SEMA3A: variants seen among roughly 807,000 people sequenced by gnomAD.
SEMA3A encodes the protein semaphorin 3A, also known as semaphorin-3A.
Under a neutral mutation model 97.9 loss-of-function variants are expected in SEMA3A, and 29 were observed. The ratio of observed to expected loss-of-function variants is 0.30; its 90% CI spans 0.22 to 0.40. SEMA3A has a LOEUF of 0.40. Among genes scored for constraint, SEMA3A ranks in the 10% least tolerant of loss-of-function variants. SEMA3A has a pLI of 1.00. For missense variants in SEMA3A, 763 were observed against 951.3 expected, an observed-to-expected ratio of 0.80 and a Z score of 2.60; for synonymous variants, 321 against 323.7, an observed-to-expected ratio of 0.99 and a Z score of 0.09.
chr7:84,309,215 AG>A (rs1441052098), intron 2 of SEMA3A, among the ~76,000 whole-genome samples: 1 of 152,160 alleles, frequency 6.6e-6, no homozygotes, highest in Non-Finnish European at 1.5e-5. Context: ...GAAAGATAAA[AG>A]GGCTTTGTTG....
chr7:84,069,859 A>G (rs1199068653), intron 4 of SEMA3A, among the ~76,000 whole-genome samples: 2 of 152,132 alleles, frequency 1.3e-5, no homozygotes, highest in Non-Finnish European at 2.9e-5. Context: ...GCAAGACCTT[A>G]ATTTAGATGT....
At chr7:84,437,072 G>C (rs1562947894) in intron 1 of SEMA3A, among the ~76,000 whole-genome samples, 1 of 152,086 alleles carries the variant, frequency 6.6e-6, no homozygotes, top group Non-Finnish European at 1.5e-5. Context: ...TCAACTGTAT[G>C]TATTTTTGAT....
At chr7:84,433,153 T>C (rs576831949) in intron 1 of SEMA3A, among the ~76,000 whole-genome samples, 3 of 152,066 alleles carry the variant, frequency 2.0e-5, no homozygotes, top group African/African-American at 7.2e-5. Flanking sequence ...GGTATACATG[T>C]GCCATGGTGG....
At chr7:83,965,079 T>C (rs938793489) in intron 15 of SEMA3A, among the ~76,000 whole-genome samples, 1 of 148,496 alleles carries the variant, frequency 6.7e-6, no homozygotes, top group Admixed American at 6.7e-5. Flanking sequence ...CTAACTGTTC[T>C]GTGATTTAAA....
At position 83,988,204 on chromosome 7, in the gene SEMA3A, CT is replaced by C. The variant is rs199843737; in HGVS notation, c.1453-2728del. The stretch of plus-strand genomic sequence containing the variant: ...TGCTATTTTTCTTCCCTAATAAGCT[CT>C]TGTGTTTTTGTTGTTGTTGTTGTTG... On this transcript the variant is annotated intron_variant, in intron 12 of 16. Coordinates refer to ENST00000265362, the MANE Select transcript of SEMA3A (RefSeq NM_006080.3). Among the ~76,000 whole-genome samples, 134 of 151,898 alleles carry C rather than the reference CT, an allele frequency of 8.8e-4. 3 individuals carry two copies. The East Asian group carries it at 0.016, about 18-fold the overall frequency.
At chr7:84,372,113 T>C (rs1346174512) in intron 1 of SEMA3A, 4 of 152,072 alleles carry the variant, frequency 2.6e-5, no homozygotes, top group Non-Finnish European at 4.4e-5. Context: ...AGCACTATTA[T>C]CTCCCTCACT....
At chr7:84,192,114 G>A (rs1044491096) in intron 1 of SEMA3A, among the ~76,000 whole-genome samples, 2 of 151,844 alleles carry the variant, frequency 1.3e-5, no homozygotes, top group Non-Finnish European at 2.9e-5. Context: ...AATTAAGGTT[G>A]GCAGGGATTT....
intron 3 of SEMA3A, among the ~76,000 whole-genome samples, chr7:84,251,042 G>T (rs1799595853): frequency 1.3e-5 from 2 of 151,874 alleles, no homozygotes; most frequent in South Asian, 4.2e-4. Flanking sequence ...TCTTACTAAG[G>T]GTTTCTCTTA....
chr7:84,298,960 T>C (rs536669495), intron 3 of SEMA3A, among the ~76,000 whole-genome samples: 24 of 152,226 alleles, frequency 1.6e-4, no homozygotes, highest in African/African-American at 5.8e-4. Context: ...ATGGGCTAGA[T>C]GCTTCCTGCA....
chr7:83,995,570 T>C (rs1790182101), intron 12 of SEMA3A, among the ~76,000 whole-genome samples: 1 of 152,188 alleles, frequency 6.6e-6, no homozygotes, highest in Non-Finnish European at 1.5e-5. Context: ...ATGATGACAT[T>C]CATTTAAATA....
intron 4 of SEMA3A, among the ~76,000 whole-genome samples, chr7:84,065,086 A>G (rs1793425774): frequency 6.8e-6 from 1 of 147,202 alleles, no homozygotes; most frequent in South Asian, 2.2e-4. Flanking sequence ...ACCACAGTGC[A>G]ATCAAACTAG....
chr7:84,335,210 A>T (rs550950942), intron 2 of SEMA3A, among the ~76,000 whole-genome samples: 1 of 152,136 alleles, frequency 6.6e-6, no homozygotes, highest in Admixed American at 6.5e-5. Context: ...TTGGTTGCAA[A>T]TAGGCTTATA....
At chr7:84,085,000 T>A (rs1201133519) in intron 4 of SEMA3A, among the ~76,000 whole-genome samples, 1 of 152,078 alleles carries the variant, frequency 6.6e-6, no homozygotes, top group Non-Finnish European at 1.5e-5. Flanking sequence ...GCCTAAAATA[T>A]CCTGTTGCTT....
At chr7:84,409,353 A>G (rs1804198606) in intron 1 of SEMA3A, among the ~76,000 whole-genome samples, 2 of 151,892 alleles carry the variant, frequency 1.3e-5, no homozygotes, top group African/African-American at 4.8e-5. Flanking sequence ...AAAAAATTAT[A>G]GTTATATAAT....
chr7:84,177,304 G>C (rs1326290115), intron 1 of SEMA3A, among the ~76,000 whole-genome samples: 3 of 151,922 alleles, frequency 2.0e-5, no homozygotes, highest in Non-Finnish European at 4.4e-5. Context: ...CATAAACATA[G>C]GTTACTTGTA....
intron 12 of SEMA3A, among the ~76,000 whole-genome samples, chr7:83,991,251 C>G (rs1362442789): frequency 1.3e-5 from 2 of 152,192 alleles, no homozygotes; most frequent in East Asian, 3.9e-4. Context: ...GATATACGAT[C>G]ATGTCGTCTG....
intron 3 of SEMA3A, among the ~76,000 whole-genome samples, chr7:84,287,869 CTAGT>C (rs1401954893): frequency 6.6e-6 from 1 of 152,024 alleles, no homozygotes; most frequent in Non-Finnish European, 1.5e-5. Context: ...TTTAATTTGA[CTAGT>C]TAATTTTTAA....
chr7:83,965,585 G>T (rs552085929), intron 15 of SEMA3A, among the ~76,000 whole-genome samples: 2 of 111,788 alleles, frequency 1.8e-5, no homozygotes, highest in African/African-American at 6.6e-5. Context: ...TAGTATAATA[G>T]AAAATAAAAG....
At position 84,060,475 on chromosome 7, in the gene SEMA3A, G is replaced by A; in HGVS notation, c.537C>T (p.Ser179=). 6.3e-7 allele frequency: 1 copy of A among 1,582,726 alleles called. No individual in the cohort carries two copies. The highest frequency in any genetic ancestry group is 8.6e-7 in the Non-Finnish European group (1 of 1,168,180). Residue 179 remains serine (S), a synonymous_variant, in exon 5 of 17, where the codon TCC becomes TCT. Transcript: ENST00000265362. ...TTGTTGACTACGCACCTATTAAAAG[G>A]GATGCTGTCAGCAGCTTAGGGTCAT... The part of the protein sequence containing the change: ...SPYDPKLLTA[S]LLIDGELYSG...
Sources: allele counts gnomAD v4.1 joint callset (sites outside exome capture counted in the v4.1 genomes callset), GRCh38; gene constraint gnomAD v4.1.1; transcripts MANE v1.5; gene names NCBI Gene and HGNC (gene_info 2026-07-23, HGNC 2026-07-21).